FAM204A: variants seen among roughly 807,000 people sequenced by gnomAD.
FAM204A encodes the protein family with sequence similarity 204 member A.
In FAM204A, 16 loss-of-function variants were observed where a neutral mutation model predicts 35.4. The ratio of observed to expected loss-of-function variants is 0.45; its 90% CI spans 0.31 to 0.69. The LOEUF is 0.69. FAM204A is among the 30% of genes least tolerant of loss of function. FAM204A has a pLI of 0.07. For missense variants in FAM204A, 240 were observed against 265.7 expected (o/e 0.90, Z 0.67); for synonymous variants, 76 against 86.9 (o/e 0.88, Z 0.70).
chr10:118,316,107 A>T (rs1384742166), intron 7 of FAM204A, among the ~76,000 whole-genome samples: 1 of 152,198 alleles, frequency 6.6e-6, no homozygotes, highest in Non-Finnish European at 1.5e-5. Context: ...CAAGCAAAGA[A>T]ATAGCCAAAG....
At chr10:118,326,847 T>C (rs1333363606) in intron 6 of FAM204A, among the ~76,000 whole-genome samples, 1 of 152,242 alleles carries the variant, frequency 6.6e-6, no homozygotes, top group Non-Finnish European at 1.5e-5. Context: ...ACTATGACCA[T>C]TAGGCTGAAT....
chr10:118,300,363 C>A lies in FAM204A; in HGVS notation c.*10494G>T, dbSNP rs1372803352. 2 of 152,078 alleles carry A rather than the reference C, an allele frequency of 1.3e-5. No homozygotes were observed. Among genetic ancestry groups the A allele is most frequent in the Admixed American group, 6.5e-5 (1 of 15,272 alleles). 9.4% of individuals were successfully genotyped at this position (152,078 alleles called of 1,614,324 possible). On this transcript the variant is annotated 3_prime_UTR_variant, in exon 9 of 9. Transcript: ENST00000369183. ...TATCTTGAAAGAAAAGATGAAAGGACGTATTACTTCTTTTGTTCACTCAAG... is the reference window on the plus strand; with the variant it reads ...TATCTTGAAAGAAAAGATGAAAGGAAGTATTACTTCTTTTGTTCACTCAAG...
intron 7 of FAM204A, among the ~76,000 whole-genome samples, chr10:118,313,899 T>TAACC (rs1328507239): frequency 1.6e-4 from 24 of 152,298 alleles, no homozygotes; most frequent in African/African-American, 5.3e-4. Context: ...CTGTCCTGGT[T>TAACC]AGGACAGCCA....
In FAM204A at chr10:118,319,974, CTCTT is replaced by C. The variant is rs1482601948; in HGVS notation, c.543+6176_543+6179del. On this transcript the variant is annotated intron_variant, in intron 7 of 8. Coordinates refer to ENST00000369183, the MANE Select transcript of FAM204A (RefSeq NM_022063.3). ...CCAAAATGAAATTCATAGGCAACCT[CTCTT>C]TCCCCATTCATTTCTGCCATCACAC... Among the ~76,000 whole-genome samples the C allele has an allele frequency of 5.9e-5, 9 of 152,028 alleles. No homozygotes were observed. The East Asian group carries it at 1.5e-3, about 26-fold the overall frequency.
In FAM204A at chr10:118,298,584, T is replaced by C. The variant is rs1845774031; in HGVS notation, c.*12273A>G. 6.6e-6 allele frequency: 1 copy of C among 152,194 alleles called. No individual in the cohort carries two copies. Among genetic ancestry groups the C allele is most frequent in the Non-Finnish European group, 1.5e-5 (1 of 68,054 alleles). 9.4% of individuals were successfully genotyped at this position (152,194 alleles called of 1,614,324 possible). Reference sequence around the variant, plus strand: ...GAACTCCATTTTACCACCTCTGACATCCACTCTTTGCCGATAGAGAAACTT... The same window carrying C: ...GAACTCCATTTTACCACCTCTGACACCCACTCTTTGCCGATAGAGAAACTT... On this transcript the variant is annotated 3_prime_UTR_variant, in exon 9 of 9. Coordinates refer to ENST00000369183, the MANE Select transcript of FAM204A (RefSeq NM_022063.3).
rs1031907636 is a variant in FAM204A, at chr10:118,308,005, A to G, written c.*2852T>C. 6.6e-6 allele frequency: 1 copy of G among 152,218 alleles called. No individual in the cohort carries two copies. Among genetic ancestry groups the G allele is most frequent in the Non-Finnish European group, 1.5e-5 (1 of 68,042 alleles). The allele number at this position is 152,218 out of a possible 1,614,324, so 9.4% of individuals were successfully genotyped here. On this transcript the variant is annotated 3_prime_UTR_variant, in exon 9 of 9. Transcript: ENST00000369183. ...CAGAACTAATTATAGCAAACCTAAG[A>G]TTATATATTCAATCTCTCCTTTCGG...
chr10:118,322,371 G>A (rs996462959), intron 7 of FAM204A: 6 of 456,120 alleles, frequency 1.3e-5, no homozygotes, highest in Non-Finnish European at 2.6e-5. Flanking sequence ...TCTCTGGATC[G>A]CTGACACTGA....
intron 6 of FAM204A, among the ~76,000 whole-genome samples, chr10:118,329,040 A>G (rs1243506115): frequency 6.6e-6 from 1 of 152,174 alleles, no homozygotes; most frequent in Admixed American, 6.5e-5. Context: ...CTGAAGGCCT[A>G]CAAAGGCAAG....
chr10:118,337,968 TG>T (rs1407612886), intron 2 of FAM204A, among the ~76,000 whole-genome samples: 1 of 152,236 alleles, frequency 6.6e-6, no homozygotes, highest in African/African-American at 2.4e-5. Flanking sequence ...TGCAATCATT[TG>T]CTTCCTTGAT....
rs747482118 is a variant in FAM204A, at chr10:118,335,439, C to A, written c.323-13G>T. ...TTCTTCAATTTATCTGAAAAGAATTCACAAAGTGTCAATACCTAACTTCAG... is the reference window on the plus strand; with the variant it reads ...TTCTTCAATTTATCTGAAAAGAATTAACAAAGTGTCAATACCTAACTTCAG... On this transcript the variant is annotated splice_polypyrimidine_tract_variant and intron_variant, in intron 4 of 8. Transcript: ENST00000369183. 8.3e-5 allele frequency: 133 copies of A among 1,596,384 alleles called. No homozygotes were observed. Among genetic ancestry groups the A allele is most frequent in the Non-Finnish European group, 1.1e-4 (132 of 1,172,630 alleles).
At chr10:118,338,209 C>T (rs236194) in intron 2 of FAM204A, among the ~76,000 whole-genome samples, 13,179 of 152,224 alleles carry the variant, frequency 0.087, 642 homozygotes, top group African/African-American at 0.13. Flanking sequence ...CCCCATAAAA[C>T]CCAGATCTAT....
intron 7 of FAM204A, among the ~76,000 whole-genome samples, chr10:118,322,573 C>T (rs1264327836): frequency 6.6e-6 from 1 of 151,850 alleles, no homozygotes; most frequent in African/African-American, 2.4e-5. Flanking sequence ...ACTAAAGAAA[C>T]ATGACGACAA....
At chr10:118,337,308 A>C in intron 2 of FAM204A, 3 of 847,138 alleles carry the variant, frequency 3.5e-6, no homozygotes, top group Non-Finnish European at 4.3e-6. Context: ...CTTAAAATAG[A>C]GAAGCCGGTT....
chr10:118,318,077 G>C (rs149814814), intron 7 of FAM204A, among the ~76,000 whole-genome samples: 53 of 151,994 alleles, frequency 3.5e-4, no homozygotes, highest in African/African-American at 1.2e-3. Context: ...GCTGATTAGT[G>C]AAATACACCA....
At position 118,301,778 on chromosome 10, in the gene FAM204A, T is replaced by A. The variant is rs1185684707; in HGVS notation, c.*9079A>T. ...AAGATAGCTACTATTATTATCTCCA[T>A]TTCTCAGGAGAACCCAAGGTACAGA... On this transcript the variant is annotated 3_prime_UTR_variant, in exon 9 of 9. Transcript: ENST00000369183. 1 of 152,170 alleles carries A rather than the reference T, an allele frequency of 6.6e-6. No homozygotes were observed. The highest frequency in any genetic ancestry group is 1.5e-5 in the Non-Finnish European group (1 of 68,014). The allele number at this position is 152,170 out of a possible 1,614,324, so 9.4% of individuals were successfully genotyped here.
Position 118,329,099 on chromosome 10 carries a change from C to CTTCT in FAM204A, c.454-2860_454-2857dup, listed in dbSNP as rs554164479. Among the ~76,000 whole-genome samples, 5 of 152,306 alleles carry CTTCT rather than the reference C, an allele frequency of 3.3e-5. No homozygotes were observed. The South Asian group carries it at 1.0e-3, about 32-fold the overall frequency. On this transcript the variant is annotated intron_variant, in intron 6 of 8. Transcript: ENST00000369183. ...AACAAGCCCAACACTTGCTGCCCTG[C>CTTCT]TTCTCCTCCTCCTCAGTCACCCTTG...
Position 118,299,391 on chromosome 10 carries a change from G to GTTTTTTTTTTTTTTTTTTTTTTTTTTTTT in FAM204A, c.*11465_*11466insAAAAAAAAAAAAAAAAAAAAAAAAAAAAA, listed in dbSNP as rs565492466. On this transcript the variant is annotated 3_prime_UTR_variant, in exon 9 of 9. Coordinates refer to ENST00000369183, the MANE Select transcript of FAM204A (RefSeq NM_022063.3). ...ACCTCCTCCTTTCTGCTTCCAGAAGGTTTTTTTTTTTTTTTTTTTTTTGAG... is the reference window on the plus strand; with the variant it reads ...ACCTCCTCCTTTCTGCTTCCAGAAGGTTTTTTTTTTTTTTTTTTTTTTTTTTTTTTTTTTTTTTTTTTTTTTTTTTTGAG... The GTTTTTTTTTTTTTTTTTTTTTTTTTTTTT allele has an allele frequency of 5.5e-5, 5 of 90,274 alleles. 1 individual carries two copies. Among genetic ancestry groups the GTTTTTTTTTTTTTTTTTTTTTTTTTTTTT allele is most frequent in the Non-Finnish European group, 1.0e-4 (5 of 49,632 alleles). The allele number at this position is 90,274 out of a possible 1,614,324, so 5.6% of individuals were successfully genotyped here. A position where few individuals can be genotyped will look rare whatever the true frequency, so the allele number is the denominator to read the frequency against.
intron 7 of FAM204A, among the ~76,000 whole-genome samples, chr10:118,325,736 T>G (rs1253041079): frequency 6.6e-6 from 1 of 152,102 alleles, no homozygotes; most frequent in East Asian, 1.9e-4. Flanking sequence ...GAGGGGGATG[T>G]GCTGAGCAAA....
At chr10:118,318,118 A>G (rs1200431505) in intron 7 of FAM204A, among the ~76,000 whole-genome samples, 1 of 151,986 alleles carries the variant, frequency 6.6e-6, no homozygotes, top group Non-Finnish European at 1.5e-5. Context: ...ATTCTTTCTC[A>G]TTGCTGATCA....
Sources: gnomAD v4.1 joint callset for allele counts (sites outside exome capture counted in the v4.1 genomes callset) on GRCh38, gnomAD v4.1.1 for gene constraint, MANE v1.5 for transcripts, NCBI Gene and HGNC (gene_info 2026-07-23, HGNC 2026-07-21) for gene names.